Variants in GRIN2A observed in about 807,000 individuals in gnomAD.
GRIN2A encodes the protein glutamate receptor ionotropic, NMDA 2A.
A neutral mutation model predicts 113.4 loss-of-function variants in GRIN2A; 22 were observed. The observed-to-expected ratio is 0.19, with a 90% CI of 0.14 to 0.28. GRIN2A has a LOEUF of 0.28. GRIN2A is among the 10% of genes least tolerant of loss of function. GRIN2A has a pLI of 1.00. For missense variants in GRIN2A, 1,502 were observed against 1,887.0 expected (o/e 0.80, Z 3.78); for synonymous variants, 827 against 738.4 (o/e 1.12, Z -1.94).
intron 3 of GRIN2A, among the ~76,000 whole-genome samples, chr16:9,898,452 A>C (rs2043851047): frequency 6.6e-6 from 1 of 152,210 alleles, no homozygotes; most frequent in Non-Finnish European, 1.5e-5. Flanking sequence ...TTATAGTCAT[A>C]AGTCTCCTTT....
intron 2 of GRIN2A, among the ~76,000 whole-genome samples, chr16:10,035,840 C>G (rs923034336): frequency 6.6e-6 from 1 of 151,946 alleles, no homozygotes; most frequent in African/African-American, 2.4e-5. Context: ...TCTCATACCT[C>G]AGCCTTCCCA....
At chr16:10,044,046 GAC>G (rs752774765) in intron 2 of GRIN2A, among the ~76,000 whole-genome samples, 23,654 of 127,840 alleles carry the variant, frequency 0.19, 2,347 homozygotes, top group Non-Finnish European at 0.21. Flanking sequence ...GAGAGAGAGA[GAC>G]AGAGACAGAG....
intron 3 of GRIN2A, among the ~76,000 whole-genome samples, chr16:9,934,462 C>T (rs2044664963): frequency 6.6e-6 from 1 of 151,994 alleles, no homozygotes; most frequent in Non-Finnish European, 1.5e-5. Flanking sequence ...GGGTGGATCA[C>T]CTGAGGTCAC....
chr16:9,816,510 C>T (rs1043390648), intron 10 of GRIN2A, among the ~76,000 whole-genome samples: 22 of 152,120 alleles, frequency 1.4e-4, no homozygotes, highest in African/African-American at 5.1e-4. Flanking sequence ...AAGAAAAACA[C>T]AAACTATCCC....
chr16:10,178,066 G>A (rs2050186424), intron 2 of GRIN2A, among the ~76,000 whole-genome samples: 1 of 152,178 alleles, frequency 6.6e-6, no homozygotes, highest in Non-Finnish European at 1.5e-5. Flanking sequence ...TTCACTTTCA[G>A]TATGGTTACT....
chr16:10,074,233 T>G (rs1409880325), intron 2 of GRIN2A, among the ~76,000 whole-genome samples: 1 of 152,212 alleles, frequency 6.6e-6, no homozygotes, highest in African/African-American at 2.4e-5. Context: ...TAACAAATGT[T>G]GACCAGGATG....
chr16:10,054,564 T>G (rs531806574), intron 2 of GRIN2A, among the ~76,000 whole-genome samples: 17 of 152,226 alleles, frequency 1.1e-4, no homozygotes, highest in Non-Finnish European at 2.4e-4. Context: ...TTAAGAAAAT[T>G]TCTCATCTGT....
At chr16:9,832,148 G>A (rs1015304718) in intron 8 of GRIN2A, among the ~76,000 whole-genome samples, 4 of 149,492 alleles carry the variant, frequency 2.7e-5, no homozygotes, top group Non-Finnish European at 5.9e-5. Context: ...TAGAGATGAG[G>A]TCTTGCTATG....
At chr16:10,092,439 G>T (rs2142085040) in intron 2 of GRIN2A, among the ~76,000 whole-genome samples, 1 of 152,194 alleles carries the variant, frequency 6.6e-6, no homozygotes, top group South Asian at 2.1e-4. Context: ...GAGGTCTGAG[G>T]GTGCAGTGGA....
In GRIN2A at chr16:9,763,293, C is replaced by T. The variant is rs2141125121; in HGVS notation, c.4251G>A (p.Arg1417=). 1 of 1,614,108 alleles carries T rather than the reference C, an allele frequency of 6.2e-7. No individual in the cohort carries two copies. The highest frequency in any genetic ancestry group is 1.3e-5 in the African/African-American group (1 of 75,026). The part of the protein sequence containing the change: ...STASYCSRDS[R]GHNDVYISEH... ...CCGAAATATACACATCATTGTGGCC[C>T]CGACTGTCCCTGGAACAGTACGATG... The change falls in exon 13 of 13, where the codon CGG becomes CGA. Residue 1417 remains arginine (R), a synonymous_variant. Transcript: ENST00000330684.
intron 2 of GRIN2A, among the ~76,000 whole-genome samples, chr16:10,090,535 A>G (rs1237868792): frequency 6.6e-6 from 1 of 152,204 alleles, no homozygotes; most frequent in African/African-American, 2.4e-5. Flanking sequence ...AATTAACTCA[A>G]AATAGATCTT....
chr16:10,071,877 T>C (rs1008904441), intron 2 of GRIN2A, among the ~76,000 whole-genome samples: 1 of 152,158 alleles, frequency 6.6e-6, no homozygotes, highest in Non-Finnish European at 1.5e-5. Flanking sequence ...GACAACCCTA[T>C]AGGTACAGTA....
intron 10 of GRIN2A, among the ~76,000 whole-genome samples, chr16:9,817,295 G>A (rs557674545): frequency 5.3e-5 from 8 of 152,164 alleles, no homozygotes; most frequent in South Asian, 2.1e-4. Flanking sequence ...TCAAAATCAC[G>A]TGGTGTGGCG....
chr16:9,819,948 A>C (rs1303006608), intron 10 of GRIN2A, among the ~76,000 whole-genome samples: 1 of 139,126 alleles, frequency 7.2e-6, no homozygotes, highest in African/African-American at 2.9e-5. Context: ...AAAAAAAAAA[A>C]AGACTTGTAC....
rs2050255922 is a variant in GRIN2A, at chr16:10,180,895, A to G, written c.-18-466T>C. On this transcript the variant is annotated intron_variant, in intron 1 of 12. Coordinates refer to ENST00000330684, the MANE Select transcript of GRIN2A (RefSeq NM_001134407.3). The surrounding 1 kb of genome is among the most constrained non-coding windows in gnomAD (Gnocchi z 7.0). ...GCCCCCTGCTGGCGCGGAGCGAACT[A>G]CAGACCCCGCAGGGCGTGCGGAGGC... 9.8e-6 allele frequency: 2 copies of G among 203,236 alleles called. No individual in the cohort carries two copies. The highest frequency in any genetic ancestry group is 1.7e-4 in the South Asian group (2 of 11,586). The allele number at this position is 203,236 out of a possible 1,614,324, so 12.6% of individuals were successfully genotyped here.
chr16:10,055,666 G>A (rs572077691), intron 2 of GRIN2A, among the ~76,000 whole-genome samples: 32 of 152,248 alleles, frequency 2.1e-4, no homozygotes, highest in African/African-American at 7.0e-4. Context: ...GACAACATCA[G>A]AATAGGTGCT....
intron 3 of GRIN2A, among the ~76,000 whole-genome samples, chr16:9,926,690 A>C (rs1194525401): frequency 6.6e-6 from 1 of 152,188 alleles, no homozygotes; most frequent in East Asian, 1.9e-4. Context: ...AAATACTTTA[A>C]AAAGCCCTGG....
rs149303923 is a variant in GRIN2A, at chr16:9,778,321, A to G, written c.2357-9232T>C. 3.9e-5 allele frequency among the ~76,000 whole-genome samples: 6 copies of G among 152,310 alleles called. No homozygotes were observed. In the East Asian group the frequency reaches 1.2e-3, roughly 29 times the overall value. ...ACCAAGCACTTCTGGAATCTGCTTA[A>G]CCAATCTGCCTCACACAAATAAAGA... On this transcript the variant is annotated intron_variant, in intron 11 of 12. Coordinates refer to ENST00000330684, the MANE Select transcript of GRIN2A (RefSeq NM_001134407.3).
chr16:9,969,237 T>A (rs949614532), intron 2 of GRIN2A, among the ~76,000 whole-genome samples: 2 of 152,124 alleles, frequency 1.3e-5, no homozygotes, highest in African/African-American at 4.8e-5. Flanking sequence ...ACCGAATCTT[T>A]CCTCTACTGA....
Sources: gnomAD v4.1 joint callset for allele counts (sites outside exome capture counted in the v4.1 genomes callset) on GRCh38, gnomAD v4.1.1 for gene constraint, Gnocchi (gnomAD v3.1) non-coding constraint, MANE v1.5 for transcripts, NCBI Gene and HGNC (gene_info 2026-07-23, HGNC 2026-07-21) for gene names.